PTGS1: variants seen among roughly 807,000 people sequenced by gnomAD.
PTGS1 encodes the protein prostaglandin-endoperoxide synthase 1.
Under a neutral mutation model 63.0 loss-of-function variants are expected in PTGS1, and 40 were observed. The observed-to-expected ratio is 0.63, with a 90% CI of 0.49 to 0.83. PTGS1 has a LOEUF of 0.83. PTGS1 is among the 40% of genes least tolerant of loss of function. The pLI, the probability that PTGS1 is intolerant of heterozygous loss-of-function variation, is 0.00. For missense variants in PTGS1, 709 were observed against 786.5 expected, an observed-to-expected ratio of 0.90 and a Z score of 1.18; for synonymous variants, 298 against 301.9, an observed-to-expected ratio of 0.99 and a Z score of 0.13.
chr9:122,386,010 A>G (rs1433474298), intron 8 of PTGS1, among the ~76,000 whole-genome samples: 1 of 152,050 alleles, frequency 6.6e-6, no homozygotes, highest in South Asian at 2.1e-4. Flanking sequence ...CATCAACAGC[A>G]AGGCCAGGTG....
intron 3 of PTGS1, 137 bp from the exon 4 acceptor site, chr9:122,378,296 G>T: frequency 8.0e-7 from 1 of 1,251,626 alleles, no homozygotes; most frequent in Non-Finnish European, 1.1e-6. Flanking sequence ...TGCTCCCAAG[G>T]TTCCATCCTT....
intron 5 of PTGS1, among the ~76,000 whole-genome samples, chr9:122,379,193 G>C (rs1406666151): frequency 1.3e-5 from 2 of 152,126 alleles, no homozygotes; most frequent in Non-Finnish European, 2.9e-5. Context: ...TGCCGGGGTG[G>C]AAGTGACTTA....
At chr9:122,387,721 T>C (rs1031459997) in intron 9 of PTGS1, among the ~76,000 whole-genome samples, 4 of 152,212 alleles carry the variant, frequency 2.6e-5, no homozygotes, top group African/African-American at 9.6e-5. Flanking sequence ...TTTGAGCCAC[T>C]CATTCTGTGG....
chr9:122,371,515 T>C, intron 2 of PTGS1: 1 of 1,336,220 alleles, frequency 7.5e-7, no homozygotes, highest in Non-Finnish European at 9.9e-7. Context: ...GGTGCCAACT[T>C]GGGGAGAAGG....
intron 10 of PTGS1, 41 bp downstream of exon 10, chr9:122,390,386 G>T: frequency 1.2e-6 from 2 of 1,603,606 alleles, no homozygotes; most frequent in African/African-American, 1.3e-5. Context: ...GCCCTTGAGG[G>T]ACTGGCAGCA....
Sources: gnomAD v4.1 joint callset for allele counts (sites outside exome capture counted in the v4.1 genomes callset) on GRCh38, gnomAD v4.1.1 for gene constraint, MANE v1.5 for transcripts, NCBI Gene and HGNC (gene_info 2026-07-23, HGNC 2026-07-21) for gene names.